Variants in EYS observed in about 807,000 individuals in gnomAD.
EYS encodes protein eyes shut homolog.
A neutral mutation model predicts 282.1 loss-of-function variants in EYS; 250 were observed. The observed-to-expected ratio is 0.89, with a 90% CI of 0.80 to 0.98. The LOEUF (loss-of-function observed/expected upper bound fraction) is 0.98. Among genes scored for constraint, EYS ranks in the 50% least tolerant of loss-of-function variants. The probability of loss-of-function intolerance (pLI) is 0.00; values close to 1 mark genes in which losing one functional copy is unlikely to be tolerated. For missense variants in EYS, 4,016 were observed against 3,709.0 expected (o/e 1.08, Z -2.15); for synonymous variants, 1,355 against 1,282.9 (o/e 1.06, Z -1.20).
intron 31 of EYS, among the ~76,000 whole-genome samples, chr6:64,130,264 G>A (rs76502111): frequency 0.068 from 10,293 of 152,210 alleles, 1,057 homozygotes; most frequent in African/African-American, 0.23. Flanking sequence ...GATTAAGAAA[G>A]TGTGGCACAT....
At chr6:64,338,617 T>A (rs771355700) in intron 29 of EYS, among the ~76,000 whole-genome samples, 13 of 151,762 alleles carry the variant, frequency 8.6e-5, no homozygotes, top group Non-Finnish European at 1.8e-4. Context: ...TCACTTAACA[T>A]AATTTGAAAA....
intron 35 of EYS, among the ~76,000 whole-genome samples, chr6:63,921,807 AG>A (rs1764580868): frequency 6.6e-6 from 1 of 152,244 alleles, no homozygotes; most frequent in African/African-American, 2.4e-5. Flanking sequence ...GAAAGTGTTG[AG>A]AGGTCCATTC....
At chr6:64,801,638 TG>T (rs781352084) in intron 22 of EYS, among the ~76,000 whole-genome samples, 10 of 152,168 alleles carry the variant, frequency 6.6e-5, no homozygotes, top group Non-Finnish European at 1.3e-4. Flanking sequence ...TCCTTTTTAA[TG>T]TATTTTATTA....
At chr6:65,056,527 C>T (rs1003262705) in intron 13 of EYS, among the ~76,000 whole-genome samples, 12 of 151,940 alleles carry the variant, frequency 7.9e-5, no homozygotes, top group Non-Finnish European at 1.6e-4. Context: ...GAGGCAGAGG[C>T]TGCAGTGAGC....
intron 2 of EYS, among the ~76,000 whole-genome samples, chr6:65,533,283 G>C (rs1044336790): frequency 6.6e-6 from 1 of 151,960 alleles, no homozygotes; most frequent in Non-Finnish European, 1.5e-5. Flanking sequence ...ACTAAATCAG[G>C]AAGAAGTTGA....
At chr6:65,315,609 A>G (rs1253750763) in intron 11 of EYS, among the ~76,000 whole-genome samples, 1 of 149,498 alleles carries the variant, frequency 6.7e-6, no homozygotes, top group East Asian at 1.9e-4. Flanking sequence ...ATATTATTGA[A>G]TATAATAACT....
At chr6:64,645,096 T>C (rs1392769851) in intron 22 of EYS, among the ~76,000 whole-genome samples, 1 of 152,206 alleles carries the variant, frequency 6.6e-6, no homozygotes, top group Non-Finnish European at 1.5e-5. Flanking sequence ...CTAAATTTCT[T>C]TGGAAAACTA....
rs139494561 is a variant in EYS, at chr6:63,944,755, G to A, written c.7055+39628C>T. Reference sequence around the variant, plus strand: ...AGCCTGGCCAACGTGGCAAAACCCCGTCTCTACTAAAAAAATAAAAATAAA... The same window carrying A: ...AGCCTGGCCAACGTGGCAAAACCCCATCTCTACTAAAAAAATAAAAATAAA... On this transcript the variant is annotated intron_variant, in intron 35 of 42. Transcript: ENST00000503581. Among the ~76,000 whole-genome samples the A allele has an allele frequency of 8.8e-4, 134 of 151,800 alleles. 1 individual carries two copies. Among genetic ancestry groups the A allele is most frequent in the African/African-American group, 3.1e-3 (129 of 41,374 alleles).
intron 31 of EYS, among the ~76,000 whole-genome samples, chr6:64,114,882 C>T (rs1029417454): frequency 6.6e-6 from 1 of 152,088 alleles, no homozygotes; most frequent in Non-Finnish European, 1.5e-5. Flanking sequence ...CTCGCCCAAC[C>T]CAACAAGAAG....
Position 65,410,372 on chromosome 6 carries a change from T to A in EYS, c.863-5005A>T, listed in dbSNP as rs559685601. ...GATAGTTAGTATATCTATCACCTCA[T>A]GCCTTTATCATTTATTCGTGGCAAG... On this transcript the variant is annotated intron_variant, in intron 5 of 42. Transcript: ENST00000503581. Among the ~76,000 whole-genome samples the A allele has an allele frequency of 2.6e-5, 4 of 152,208 alleles. No individual in the cohort carries two copies. In the South Asian group the frequency reaches 8.3e-4, roughly 32 times the overall value.
Position 64,450,352 on chromosome 6 carries a change from G to A in EYS, c.5645-11000C>T, listed in dbSNP as rs549690156. On this transcript the variant is annotated intron_variant, in intron 26 of 42. Transcript: ENST00000503581. ...ACCCAATACAGGAGCACCCAGATTC[G>A]TAAAGCAAGTCCTTAGTTACCTACA... 2.8e-3 allele frequency among the ~76,000 whole-genome samples: 427 copies of A among 152,112 alleles called. 2 individuals carry two copies. The highest frequency in any genetic ancestry group is 9.4e-3 in the African/African-American group (392 of 41,516).
chr6:64,018,396 T>C (rs1226528175), intron 33 of EYS, among the ~76,000 whole-genome samples: 1 of 152,226 alleles, frequency 6.6e-6, no homozygotes, highest in Non-Finnish European at 1.5e-5. Flanking sequence ...TGTTTCTTCT[T>C]GCTTTCTCAT....
intron 30 of EYS, among the ~76,000 whole-genome samples, chr6:64,269,942 C>T (rs912904308): frequency 5.3e-5 from 8 of 151,922 alleles, no homozygotes; most frequent in Non-Finnish European, 1.2e-4. Flanking sequence ...TTAAAAAGCT[C>T]TGTTATAATT....
chr6:64,580,767 A>G (rs1376597122), intron 26 of EYS, among the ~76,000 whole-genome samples: 1 of 152,162 alleles, frequency 6.6e-6, no homozygotes, highest in Non-Finnish European at 1.5e-5. Flanking sequence ...GAAATTGTCC[A>G]TTTAGAGAGA....
chr6:65,663,074 C>T (rs1009733674), intron 1 of EYS, among the ~76,000 whole-genome samples: 1 of 152,130 alleles, frequency 6.6e-6, no homozygotes, highest in African/African-American at 2.4e-5. Flanking sequence ...AAAGAAGCAG[C>T]AGCTTCTTTC....
chr6:64,722,431 A>T (rs944426777), intron 22 of EYS, among the ~76,000 whole-genome samples: 1 of 152,070 alleles, frequency 6.6e-6, no homozygotes, highest in South Asian at 2.1e-4. Flanking sequence ...GATAAAACGA[A>T]GAGAAGAGGA....
At chr6:64,408,652 T>C (rs1387834972) in intron 28 of EYS, among the ~76,000 whole-genome samples, 2 of 152,240 alleles carry the variant, frequency 1.3e-5, no homozygotes. Context: ...TAGAATGTAT[T>C]CATTCTCCTG....
intron 19 of EYS, among the ~76,000 whole-genome samples, chr6:64,826,267 G>A (rs184999566): frequency 2.0e-5 from 3 of 151,196 alleles, no homozygotes. Context: ...GACAAAAGAA[G>A]AACCATGTTC....
chr6:64,956,488 C>G (rs995613754), intron 14 of EYS, among the ~76,000 whole-genome samples: 2 of 152,146 alleles, frequency 1.3e-5, no homozygotes, highest in African/African-American at 4.8e-5. Flanking sequence ...TATGTAACTA[C>G]CACAGAAAAC....
Sources: allele counts gnomAD v4.1 joint callset (sites outside exome capture counted in the v4.1 genomes callset), GRCh38; gene constraint gnomAD v4.1.1; transcripts MANE v1.5; gene names NCBI Gene and HGNC (gene_info 2026-07-23, HGNC 2026-07-21).